The following MTUS2 variants were observed in gnomAD, a reference collection of about 807,000 sequenced individuals.
MTUS2 encodes the protein microtubule-associated tumor suppressor candidate 2.
In MTUS2, 40 loss-of-function variants were observed where a neutral mutation model predicts 114.1. The ratio of observed to expected loss-of-function variants is 0.35; its 90% CI spans 0.27 to 0.46. The LOEUF is 0.46. MTUS2 is among the 20% of genes least tolerant of loss of function. MTUS2 has a pLI of 1.00. For synonymous variants in MTUS2, 688 were observed against 672.0 expected, an observed-to-expected ratio of 1.02 and a Z score of -0.37; for missense variants, 1,679 against 1,705.4, an observed-to-expected ratio of 0.98 and a Z score of 0.27.
intron 5 of MTUS2, among the ~76,000 whole-genome samples, chr13:29,224,022 ACT>A (rs935195054): frequency 1.3e-4 from 20 of 151,752 alleles, no homozygotes; most frequent in Non-Finnish European, 2.4e-4. Flanking sequence ...TGGACCCCAC[ACT>A]CTCTCACTCA....
At chr13:29,285,379 C>CTAATA (rs1898437743) in intron 6 of MTUS2, among the ~76,000 whole-genome samples, 1 of 152,132 alleles carries the variant, frequency 6.6e-6, no homozygotes, top group Non-Finnish European at 1.5e-5. Context: ...AGTATTCCAG[C>CTAATA]TAATACAAAA....
chr13:29,285,768 C>CA (rs1294609653), intron 6 of MTUS2, among the ~76,000 whole-genome samples: 5 of 151,964 alleles, frequency 3.3e-5, no homozygotes, highest in East Asian at 3.9e-4. Flanking sequence ...CTGTAGATTA[C>CA]AAAAAAATGT....
chr13:29,200,726 G>A (rs1269878629), intron 5 of MTUS2, among the ~76,000 whole-genome samples: 5 of 152,010 alleles, frequency 3.3e-5, no homozygotes, highest in Non-Finnish European at 7.4e-5. Context: ...CTCCATGTTG[G>A]TCAGGCTGGT....
chr13:29,232,470 G>C (rs4769702), intron 5 of MTUS2, among the ~76,000 whole-genome samples: 1 of 151,640 alleles, frequency 6.6e-6, no homozygotes, highest in South Asian at 2.1e-4. Flanking sequence ...ATAGCCATTG[G>C]GGGGGAAGAG....
intron 2 of MTUS2, among the ~76,000 whole-genome samples, chr13:28,870,219 G>A (rs1302543209): frequency 6.6e-6 from 1 of 152,152 alleles, no homozygotes. Flanking sequence ...GTAAAAAGGT[G>A]TGTGAAATAG....
chr13:29,422,648 C>CTTTTTTTTT (rs11342823), intron 8 of MTUS2, among the ~76,000 whole-genome samples: 17 of 67,976 alleles, frequency 2.5e-4, no homozygotes, highest in Non-Finnish European at 3.6e-4. Flanking sequence ...GATTTCTTTT[C>CTTTTTTTTT]TTTTTTTTTT....
intron 5 of MTUS2, among the ~76,000 whole-genome samples, chr13:29,140,214 G>A (rs991998378): frequency 1.3e-5 from 2 of 152,108 alleles, no homozygotes; most frequent in African/African-American, 2.4e-5. Flanking sequence ...TCTTCATTTA[G>A]GAATAAATGA....
intron 2 of MTUS2, among the ~76,000 whole-genome samples, chr13:28,979,717 A>AAG (rs1366842847): frequency 1.3e-5 from 2 of 152,168 alleles, no homozygotes; most frequent in African/African-American, 4.8e-5. Flanking sequence ...CTGGGAGAGT[A>AAG]AGAGGCTCTG....
chr13:29,336,558 C>T (rs1901074713), intron 7 of MTUS2, among the ~76,000 whole-genome samples: 1 of 152,160 alleles, frequency 6.6e-6, no homozygotes, highest in Admixed American at 6.5e-5. Flanking sequence ...CTGGAGCTTT[C>T]CTGTATGAGA....
intron 5 of MTUS2, among the ~76,000 whole-genome samples, chr13:29,211,837 G>A (rs998881557): frequency 1.3e-5 from 2 of 151,062 alleles, no homozygotes; most frequent in Non-Finnish European, 2.9e-5. Flanking sequence ...TCTTTCAAAG[G>A]GTCTGTGGAT....
At chr13:29,305,290 G>A (rs1899393245) in intron 6 of MTUS2, among the ~76,000 whole-genome samples, 1 of 152,048 alleles carries the variant, frequency 6.6e-6, no homozygotes, top group Admixed American at 6.6e-5. Flanking sequence ...CAAGATCAGA[G>A]CAGAACTGAA....
intron 1 of MTUS2, among the ~76,000 whole-genome samples, chr13:28,838,735 GTC>G (rs1407443357): frequency 3.3e-5 from 5 of 152,176 alleles, no homozygotes; most frequent in African/African-American, 1.2e-4. Flanking sequence ...TTGGAAAAGA[GTC>G]TTATGTTGCA....
At chr13:29,175,415 A>C (rs1350084892) in intron 5 of MTUS2, among the ~76,000 whole-genome samples, 2 of 152,358 alleles carry the variant, frequency 1.3e-5, no homozygotes, top group South Asian at 2.1e-4. Flanking sequence ...AGGCAGTAAC[A>C]GAGAAAAAAA....
At chr13:29,459,549 T>C (rs1879343456) in intron 9 of MTUS2, among the ~76,000 whole-genome samples, 1 of 152,086 alleles carries the variant, frequency 6.6e-6, no homozygotes, top group Non-Finnish European at 1.5e-5. Flanking sequence ...GAAAAACAAA[T>C]CTGACTTCCC....
chr13:29,314,462 C>T lies in MTUS2; in HGVS notation c.2807-10151C>T, dbSNP rs76430048. Among the ~76,000 whole-genome samples, 55 of 152,144 alleles carry T rather than the reference C, an allele frequency of 3.6e-4. No individual in the cohort carries two copies. The East Asian group carries it at 9.5e-3, about 26-fold the overall frequency. On this transcript the variant is annotated intron_variant, in intron 6 of 15. Transcript: ENST00000612955. ...TTAAACAAGGTGAACTGAATTTTGACGTAACCAAAAATGGTACAACTGTAT... is the reference window on the plus strand; with the variant it reads ...TTAAACAAGGTGAACTGAATTTTGATGTAACCAAAAATGGTACAACTGTAT...
Position 29,026,852 on chromosome 13 carries a change from C to T in MTUS2, c.2154C>T (p.Ile718=). 6.2e-7 allele frequency: 1 copy of T among 1,605,976 alleles called. No homozygotes were observed. The part of the protein sequence containing the change: ...VFSSGLMVSG[I]KPPGHPFSQM... ...GTTCCGGATTGATGGTGTCTGGAAT[C>T]AAGCCCCCGGGACATCCTTTCAGTC... Residue 718 remains isoleucine (I), a synonymous_variant, in exon 3 of 16, where the codon ATC becomes ATT. Transcript: ENST00000612955.
intron 7 of MTUS2, among the ~76,000 whole-genome samples, chr13:29,341,045 G>A (rs939918122): frequency 6.6e-6 from 1 of 152,044 alleles, no homozygotes; most frequent in African/African-American, 2.4e-5. Context: ...TTATCCACTC[G>A]TTAATTGATG....
chr13:29,441,862 C>T (rs925663936), intron 9 of MTUS2, among the ~76,000 whole-genome samples: 3 of 152,140 alleles, frequency 2.0e-5, no homozygotes, highest in Non-Finnish European at 4.4e-5. Flanking sequence ...TGCCTCCTTC[C>T]CCACTGATGG....
chr13:28,943,357 G>A (rs1433388908), intron 2 of MTUS2, among the ~76,000 whole-genome samples: 1 of 152,148 alleles, frequency 6.6e-6, no homozygotes, highest in African/African-American at 2.4e-5. Flanking sequence ...ATAAGACAAA[G>A]TGAACCCCAT....
Sources: gnomAD v4.1 joint callset for allele counts (sites outside exome capture counted in the v4.1 genomes callset) on GRCh38, gnomAD v4.1.1 for gene constraint, MANE v1.5 for transcripts, NCBI Gene and HGNC (gene_info 2026-07-23, HGNC 2026-07-21) for gene names.